The following BBS9 variants were observed in gnomAD, a reference collection of about 807,000 sequenced individuals.
BBS9 encodes the protein Bardet-Biedl syndrome 9.
Under a neutral mutation model 117.7 loss-of-function variants are expected in BBS9, and 89 were observed. The ratio of observed to expected loss-of-function variants is 0.76; its 90% confidence interval spans 0.64 to 0.90. The LOEUF (loss-of-function observed/expected upper bound fraction) is 0.90. Ranked by LOEUF, BBS9 falls within the 40% of genes least tolerant of loss-of-function variation. The pLI, the probability that BBS9 is intolerant of heterozygous loss-of-function variation, is 0.00. For missense variants in BBS9, 982 were observed against 1,042.2 expected (o/e 0.94, Z 0.80); for synonymous variants, 379 against 370.9 (o/e 1.02, Z -0.25).
At chr7:33,367,283 T>TA (rs1322791489) in intron 16 of BBS9, among the ~76,000 whole-genome samples, 1 of 152,158 alleles carries the variant, frequency 6.6e-6, no homozygotes, top group Non-Finnish European at 1.5e-5. Flanking sequence ...ATAGTGACCA[T>TA]TTGTTTTTAT....
chr7:33,518,468 C>A (rs1848137971), intron 20 of BBS9, among the ~76,000 whole-genome samples: 1 of 151,930 alleles, frequency 6.6e-6, no homozygotes, highest in South Asian at 2.1e-4. Flanking sequence ...CCAGAATGGT[C>A]TTGATCTCTT....
intron 19 of BBS9, among the ~76,000 whole-genome samples, chr7:33,403,856 G>T (rs1193784287): frequency 6.6e-6 from 1 of 152,028 alleles, no homozygotes; most frequent in Non-Finnish European, 1.5e-5. Flanking sequence ...GGGTCAAATG[G>T]TATTTCTAGT....
chr7:33,597,713 G>A (rs149122264), intron 21 of BBS9, among the ~76,000 whole-genome samples: 9 of 152,154 alleles, frequency 5.9e-5, no homozygotes, highest in Middle Eastern at 3.4e-3. Flanking sequence ...GCCCTGGTGC[G>A]ATAGGAAGGA....
At chr7:33,260,435 A>T (rs989783011) in intron 6 of BBS9, among the ~76,000 whole-genome samples, 1 of 152,130 alleles carries the variant, frequency 6.6e-6, no homozygotes, top group Admixed American at 6.5e-5. Context: ...CACCTCCTAG[A>T]TATATTACTG....
intron 19 of BBS9, among the ~76,000 whole-genome samples, chr7:33,399,369 C>T (rs1238003543): frequency 6.6e-6 from 1 of 152,136 alleles, no homozygotes; most frequent in Non-Finnish European, 1.5e-5. Flanking sequence ...AACATTAGCT[C>T]GTAAAAACTA....
chr7:33,393,580 C>T (rs957430713), intron 19 of BBS9, among the ~76,000 whole-genome samples: 5 of 152,134 alleles, frequency 3.3e-5, no homozygotes, highest in African/African-American at 1.2e-4. Context: ...AGATGCAGAG[C>T]AAAGTTCAAA....
chr7:33,487,259 G>C (rs1195621847), intron 19 of BBS9, among the ~76,000 whole-genome samples: 1 of 152,118 alleles, frequency 6.6e-6, no homozygotes, highest in African/African-American at 2.4e-5. Context: ...AAATGCTATG[G>C]GGTTTTTCCA....
At chr7:33,460,718 A>G (rs1254973987) in intron 19 of BBS9, among the ~76,000 whole-genome samples, 1 of 152,042 alleles carries the variant, frequency 6.6e-6, no homozygotes, top group Non-Finnish European at 1.5e-5. Flanking sequence ...GTAGCATTTA[A>G]AAAAATAATT....
chr7:33,390,864 A>G (rs1245270730), intron 19 of BBS9, among the ~76,000 whole-genome samples: 1 of 152,156 alleles, frequency 6.6e-6, no homozygotes, highest in Non-Finnish European at 1.5e-5. Context: ...AACTCCATAA[A>G]GAGTATCATA....
chr7:33,439,815 C>T (rs1488342933), intron 19 of BBS9, among the ~76,000 whole-genome samples: 2 of 152,218 alleles, frequency 1.3e-5, no homozygotes, highest in African/African-American at 2.4e-5. Flanking sequence ...GCGTGAGCCA[C>T]TGCGCCCGGC....
intron 20 of BBS9, among the ~76,000 whole-genome samples, chr7:33,527,948 C>T (rs978216941): frequency 1.3e-5 from 2 of 151,964 alleles, no homozygotes; most frequent in Non-Finnish European, 2.9e-5. Flanking sequence ...ACTAAAGTAC[C>T]AAGTTTTATT....
intron 6 of BBS9, among the ~76,000 whole-genome samples, chr7:33,260,872 C>A (rs1022151859): frequency 6.6e-6 from 1 of 152,162 alleles, no homozygotes; most frequent in Non-Finnish European, 1.5e-5. Context: ...GTCTGCTATA[C>A]CCCTTCCCCA....
At chr7:33,595,677 A>G (rs528657159) in intron 21 of BBS9, among the ~76,000 whole-genome samples, 1 of 152,166 alleles carries the variant, frequency 6.6e-6, no homozygotes, top group Non-Finnish European at 1.5e-5. Context: ...CAGAAATCTC[A>G]TTACTGGGTA....
intron 12 of BBS9, 85 bp downstream of exon 12, chr7:33,344,719 C>T (rs1159792145): frequency 2.2e-6 from 3 of 1,365,518 alleles, no homozygotes; most frequent in African/African-American, 2.9e-5. Flanking sequence ...TTGTAAGTAG[C>T]TTACAGAAAT....
chr7:33,215,072 G>A (rs1241773603), intron 5 of BBS9, among the ~76,000 whole-genome samples: 6 of 152,130 alleles, frequency 3.9e-5, no homozygotes, highest in Non-Finnish European at 5.9e-5. Context: ...GGTACCTGTA[G>A]TCCCAGCTAC....
At position 33,146,229 on chromosome 7, in the gene BBS9, GTTTTC is replaced by G; in HGVS notation, c.-11-8_-11-4del. The G allele has an allele frequency of 6.5e-7, 1 of 1,528,844 alleles. No homozygotes were observed. The highest frequency in any genetic ancestry group is 9.1e-7 in the Non-Finnish European group (1 of 1,102,608). The allele number at this position is 1,528,844 out of a possible 1,614,324, so 94.7% of individuals were successfully genotyped here. On this transcript the variant is annotated splice_polypyrimidine_tract_variant and splice_region_variant and intron_variant, in intron 1 of 22. Transcript: ENST00000242067. ...TAGTGTGAAGTAGATTATTATAAAT[GTTTTC>G]TTTTTAGTGTGAAAGAAAATGTCTT...
intron 12 of BBS9, chr7:33,346,340 T>C: frequency 2.2e-6 from 1 of 457,452 alleles, no homozygotes; most frequent in Non-Finnish European, 4.5e-6. Context: ...TATGTGTGCA[T>C]GATGCGTGAC....
At chr7:33,550,690 A>T (rs956079729) in intron 21 of BBS9, among the ~76,000 whole-genome samples, 2 of 152,156 alleles carry the variant, frequency 1.3e-5, no homozygotes, top group African/African-American at 4.8e-5. Flanking sequence ...TAGTGTGTTT[A>T]TTCCAATAAA....
intron 21 of BBS9, among the ~76,000 whole-genome samples, chr7:33,592,258 C>T (rs748758541): frequency 7.9e-5 from 12 of 151,936 alleles, no homozygotes; most frequent in Admixed American, 2.0e-4. Flanking sequence ...TTCTCTGTGC[C>T]GGGCATTGTG....
Sources: allele counts gnomAD v4.1 joint callset (sites outside exome capture counted in the v4.1 genomes callset), GRCh38; gene constraint gnomAD v4.1.1; transcripts MANE v1.5; gene names NCBI Gene and HGNC (gene_info 2026-07-23, HGNC 2026-07-21).